Variants in ELN observed in about 807,000 individuals in gnomAD.
The protein encoded by ELN is tropoelastin.
In ELN, 65 loss-of-function variants were observed where a neutral mutation model predicts 105.8. The observed-to-expected ratio is 0.61, with a 90% CI of 0.50 to 0.75. The LOEUF (loss-of-function observed/expected upper bound fraction) is 0.75, where lower values mean the gene tolerates loss of function less well. ELN is among the 30% of genes least tolerant of loss of function. The probability of loss-of-function intolerance (pLI) is 0.00; values close to 1 mark genes in which losing one functional copy is unlikely to be tolerated. For missense variants in ELN, 882 were observed against 969.4 expected (o/e 0.91, Z 1.20); for synonymous variants, 368 against 389.2 (o/e 0.95, Z 0.64).
At chr7:74,055,382 C>A (rs1554678865) in intron 19 of ELN, among the ~76,000 whole-genome samples, 1 of 150,706 alleles carries the variant, frequency 6.6e-6, no homozygotes, top group Admixed American at 6.6e-5. Flanking sequence ...TTGAGACCAG[C>A]CTGGGCAACA....
Position 74,059,942 on chromosome 7 carries a change from G to A in ELN, c.1471G>A (p.Val491Met), listed in dbSNP as rs369387691. 3.7e-6 allele frequency: 6 copies of A among 1,605,276 alleles called. No homozygotes were observed. Among genetic ancestry groups the A allele is most frequent in the Non-Finnish European group, 5.1e-6 (6 of 1,172,782 alleles). ...PGVGVAPGVG[V>M]APGVGLAPGV... ...AGTTGGCGTGGCTCCTGGTGTCGGT[G>A]TGGCTCCTGGAGTTGGCTTGGCTCC... Residue 491 changes from valine to methionine, a missense_variant, in exon 23 of 33, where the codon GTG becomes ATG. Coordinates refer to ENST00000252034, the MANE Select transcript of ELN (RefSeq NM_000501.4).
At chr7:74,065,579 A>T (rs1554688480) in intron 29 of ELN, 115 bp from the exon 30 acceptor site, 3 of 1,281,916 alleles carry the variant, frequency 2.3e-6, no homozygotes, top group East Asian at 5.0e-5. Flanking sequence ...GCGCCACTGC[A>T]CTCCAGCCCA....
Position 74,053,326 on chromosome 7 carries a change from G to C in ELN, c.1096+17G>C. The C allele has an allele frequency of 7.1e-6, 3 of 424,994 alleles. No individual in the cohort carries two copies. The highest frequency in any genetic ancestry group is 7.0e-4 in the Middle Eastern group (1 of 1,424). The allele number at this position is 424,994 out of a possible 1,614,324, so 26.3% of individuals were successfully genotyped here. A position where few individuals can be genotyped will look rare whatever the true frequency, so the allele number is the denominator to read the frequency against. On this transcript the variant is annotated intron_variant, in intron 18 of 32. Coordinates refer to ENST00000252034, the MANE Select transcript of ELN (RefSeq NM_000501.4). ...CGGTTCCAGGTGAGCTGGGCTGTGT[G>C]TGTGTGTGTGTGTGTGTGTGTGTGT...
chr7:74,048,391 C>T, intron 14 of ELN, 112 bp from the exon 15 acceptor site: 4 of 1,544,546 alleles, frequency 2.6e-6, no homozygotes, highest in Non-Finnish European at 3.6e-6. Flanking sequence ...TCTGAAGCTC[C>T]CATGTATACC....
intron 2 of ELN, among the ~76,000 whole-genome samples, chr7:74,036,033 G>C (rs1789856711): frequency 6.6e-6 from 1 of 152,164 alleles, no homozygotes; most frequent in Non-Finnish European, 1.5e-5. Flanking sequence ...GCTCAAGCCT[G>C]TAATCCCAGC....
At chr7:74,038,866 G>A (rs1790540764) in intron 4 of ELN, among the ~76,000 whole-genome samples, 1 of 152,252 alleles carries the variant, frequency 6.6e-6, no homozygotes, top group African/African-American at 2.4e-5. Flanking sequence ...AGCCAGGAGA[G>A]GCGGGAGAAC....
At chr7:74,060,089 C>G in intron 23 of ELN, 42 bp downstream of exon 23, 1 of 1,614,186 alleles carries the variant, frequency 6.2e-7, no homozygotes. Flanking sequence ...CCCCCGAAGC[C>G]TCCATGGGCC....
Position 74,060,356 on chromosome 7 carries a change from C to G in ELN, c.1622-20C>G. On this transcript the variant is annotated intron_variant, in intron 24 of 32. Coordinates refer to ENST00000252034, the MANE Select transcript of ELN (RefSeq NM_000501.4). ...GCATGCTCCCTGCCTGCTGTCGCCA[C>G]CACTGCCCTCTGTCTGCAGGAGCTG... is the stretch of plus-strand genomic sequence containing the variant. 6.2e-7 allele frequency: 1 copy of G among 1,614,144 alleles called. No homozygotes were observed. The highest frequency in any genetic ancestry group is 8.5e-7 in the Non-Finnish European group (1 of 1,180,052).
rs142578334 is a variant in ELN, at chr7:74,055,519, G to A, written c.1150+750G>A. ...TTCTGAGATAGAGTCTCACTCTGTC[G>A]CCCAGGCTGGAGTGCAGTGGCATGA... On this transcript the variant is annotated intron_variant, in intron 19 of 32. Coordinates refer to ENST00000252034, the MANE Select transcript of ELN (RefSeq NM_000501.4). Among the ~76,000 whole-genome samples the A allele has an allele frequency of 8.6e-3, 1,262 of 147,086 alleles. 34 individuals carry two copies. The highest frequency in any genetic ancestry group is 0.041 in the Admixed American group (608 of 14,738).
At chr7:74,036,361 C>T (rs111453495) in intron 2 of ELN, among the ~76,000 whole-genome samples, 194 bp from the exon 3 acceptor site, 1 of 151,846 alleles carries the variant, frequency 6.6e-6, no homozygotes, top group Non-Finnish European at 1.5e-5. Flanking sequence ...GGGAGAGACG[C>T]CAGCACTCCC....
Sources: allele counts gnomAD v4.1 joint callset (sites outside exome capture counted in the v4.1 genomes callset), GRCh38; gene constraint gnomAD v4.1.1; transcripts MANE v1.5; gene names NCBI Gene and HGNC (gene_info 2026-07-23, HGNC 2026-07-21).